The following ABCA4 variants were observed in gnomAD, a reference collection of about 807,000 sequenced individuals.
ABCA4 encodes the protein retinal-specific phospholipid-transporting ATPase ABCA4.
ABCA4 carries 196 observed loss-of-function variants against 263.7 expected under a neutral mutation model. The ratio of observed to expected loss-of-function variants is 0.74; its 90% CI spans 0.66 to 0.84. ABCA4 has a LOEUF of 0.84. Among genes scored for constraint, ABCA4 ranks in the 40% least tolerant of loss-of-function variants. ABCA4 has a pLI of 0.00. For missense variants in ABCA4, 2,792 were observed against 2,855.1 expected, an observed-to-expected ratio of 0.98 and a Z score of 0.50; for synonymous variants, 1,133 against 1,094.2, an observed-to-expected ratio of 1.04 and a Z score of -0.70.
intron 16 of ABCA4, among the ~76,000 whole-genome samples, chr1:94,053,100 G>A (rs1362133006): frequency 6.6e-6 from 1 of 152,220 alleles, no homozygotes; most frequent in African/African-American, 2.4e-5. Context: ...GAGGTGCTGG[G>A]AGAGTGGTGC....
At position 94,063,202 on chromosome 1, in the gene ABCA4, T is replaced by A; in HGVS notation, c.1670A>T (p.Tyr557Phe). Residue 557 changes from tyrosine (Y) to phenylalanine (F), a missense_variant, in exon 12 of 50, where the codon TAT becomes TTT. Transcript: ENST00000370225. ...FWAGVVFPDM[Y>F]PWTSSLPPHV... ...GGGTGGTAGAGAGCTGGTCCAGGGA[T>A]ACATGTCAGGGAATACCACTCCGGC... 6.2e-7 allele frequency: 1 copy of A among 1,614,156 alleles called. No individual in the cohort carries two copies. Among genetic ancestry groups the A allele is most frequent in the Non-Finnish European group, 8.5e-7 (1 of 1,180,018 alleles).
chr1:94,011,242 G>A lies in ABCA4; in HGVS notation c.5584+20C>T, dbSNP rs1323810664. 6.2e-7 allele frequency: 1 copy of A among 1,613,898 alleles called. No individual in the cohort carries two copies. Among genetic ancestry groups the A allele is most frequent in the Non-Finnish European group, 8.5e-7 (1 of 1,179,978 alleles). On this transcript the variant is annotated intron_variant, in intron 39 of 49. Coordinates refer to ENST00000370225, the MANE Select transcript of ABCA4 (RefSeq NM_000350.3). ...TTTGGACCCAGGGCCCATGCTCCAT[G>A]GGCCTCGGCTACCACCCACCAAACC...
At chr1:94,067,372 G>A (rs960466411) in intron 11 of ABCA4, among the ~76,000 whole-genome samples, 1 of 152,214 alleles carries the variant, frequency 6.6e-6, no homozygotes, top group East Asian at 1.9e-4. Context: ...GCTGACTGCT[G>A]TGATGACGTG....
rs72958453 is a variant in ABCA4, at chr1:94,019,217, T to C, written c.5196+365A>G. Among the ~76,000 whole-genome samples, 669 of 151,976 alleles carry C rather than the reference T, an allele frequency of 4.4e-3. 6 individuals are homozygous for C. Among genetic ancestry groups the C allele is most frequent in the African/African-American group, 0.015 (632 of 41,418 alleles). ...TGGGGCAGGATTTGAGAAGGGGACT[T>C]GGGGTGAAAGACCCCTTCATATTAC... is the stretch of plus-strand genomic sequence containing the variant. On this transcript the variant is annotated intron_variant, in intron 36 of 49. Transcript: ENST00000370225.
Position 94,019,687 on chromosome 1 carries a change from A to G in ABCA4, c.5091T>C (p.Phe1697=). 1 of 1,613,862 alleles carries G rather than the reference A, an allele frequency of 6.2e-7. No individual in the cohort carries two copies. Among genetic ancestry groups the G allele is most frequent in the Admixed American group, 1.7e-5 (1 of 59,966 alleles). ...IFSMSFVPAS[F]VLYLIQERVN... Reference sequence around the variant, plus strand: ...CCCGCTCCTGGATCAAATAAAGGACAAAGCTGGCTGGGACGAAGGACATGG... The same window carrying G: ...CCCGCTCCTGGATCAAATAAAGGACGAAGCTGGCTGGGACGAAGGACATGG... Residue 1697 remains phenylalanine, a synonymous_variant, in exon 36 of 50, where the codon TTT becomes TTC. Coordinates refer to ENST00000370225, the MANE Select transcript of ABCA4 (RefSeq NM_000350.3).
At position 94,098,983 on chromosome 1, in the gene ABCA4, A is replaced by G; in HGVS notation, c.579T>C (p.His193=). Residue 193 remains histidine (H), a synonymous_variant, in exon 6 of 50, where the codon CAT becomes CAC. Coordinates refer to ENST00000370225, the MANE Select transcript of ABCA4 (RefSeq NM_000350.3). The stretch of plus-strand genomic sequence containing the variant: ...CCTTCAGCGCCAGGTCCGGGACTCC[A>G]TGAGCGAACTGCAGGGAGAAGAGGC... The part of the protein sequence containing the change: ...NSQVRPEQFA[H]GVPDLALKDI... The G allele has an allele frequency of 6.2e-7, 1 of 1,607,602 alleles. No individual in the cohort carries two copies. The highest frequency in any genetic ancestry group is 8.5e-7 in the Non-Finnish European group (1 of 1,179,750).
chr1:94,030,693 ACT>A (rs562135033), intron 28 of ABCA4, among the ~76,000 whole-genome samples, 167 bp from the exon 29 acceptor site: 34 of 152,132 alleles, frequency 2.2e-4, no homozygotes, highest in African/African-American at 8.0e-4. Context: ...CTGCCTGAAC[ACT>A]CGCAGTGGTC....
intron 43 of ABCA4, 100 bp from the exon 44 acceptor site, chr1:94,005,682 G>C (rs1659359689): frequency 2.5e-6 from 3 of 1,206,854 alleles, no homozygotes; most frequent in Non-Finnish European, 3.6e-6. Context: ...AAAGGAAGCT[G>C]CTTCTTCTCT....
At chr1:94,048,308 A>G (rs1418842839) in intron 18 of ABCA4, among the ~76,000 whole-genome samples, 2 of 152,228 alleles carry the variant, frequency 1.3e-5, no homozygotes, top group African/African-American at 2.4e-5. Flanking sequence ...AAGAGAGAAG[A>G]TGAGGGCAGC....
intron 30 of ABCA4, among the ~76,000 whole-genome samples, chr1:94,026,115 C>T (rs1472569840): frequency 6.6e-6 from 1 of 152,230 alleles, no homozygotes; most frequent in Non-Finnish European, 1.5e-5. Flanking sequence ...AAAGCATTCA[C>T]TCTGTCAAGG....
intron 49 of ABCA4, among the ~76,000 whole-genome samples, chr1:93,995,522 G>A (rs1202482740): frequency 6.6e-6 from 1 of 152,138 alleles, no homozygotes; most frequent in Non-Finnish European, 1.5e-5. Flanking sequence ...GAACCTACAA[G>A]CACCTATTCC....
Position 94,031,913 on chromosome 1 carries a change from G to A in ABCA4, c.3993C>T (p.Gly1331=). ...GGCACTCTGGCTCTGGGGGAGGCTG[G>A]CCCTCTGGGTGAGCAGCCGGCGCCC... ...SPGAPAAHPE[G]QPPPEPECPG... Residue 1331 remains glycine (G), a synonymous_variant, in exon 27 of 50, where the codon GGC becomes GGT. Coordinates refer to ENST00000370225, the MANE Select transcript of ABCA4 (RefSeq NM_000350.3). 6.2e-7 allele frequency: 1 copy of A among 1,614,160 alleles called. No homozygotes were observed. Among genetic ancestry groups the A allele is most frequent in the Non-Finnish European group, 8.5e-7 (1 of 1,180,016 alleles).
At position 93,997,955 on chromosome 1, in the gene ABCA4, G is replaced by A; in HGVS notation, c.6635C>T (p.Ser2212Phe). The A allele has an allele frequency of 6.2e-7, 1 of 1,614,142 alleles. No individual in the cohort carries two copies. The highest frequency in any genetic ancestry group is 8.5e-7 in the Non-Finnish European group (1 of 1,180,026). The change falls in exon 48 of 50, where the codon TCC (serine) becomes TTC (phenylalanine). Residue 2212 changes from serine to phenylalanine, a missense_variant. Physicochemically the swap from Ser to Phe is radical, Grantham distance 155. Coordinates refer to ENST00000370225, the MANE Select transcript of ABCA4 (RefSeq NM_000350.3). ...CTGGAAGATCCTCGCCAGGGAGGAGGAGGAGACCTGGAACTGGAGCATGTT... is the reference window on the plus strand; with the variant it reads ...CTGGAAGATCCTCGCCAGGGAGGAGAAGGAGACCTGGAACTGGAGCATGTT... Reference protein sequence around the residue: ...HYNMLQFQVSSSSLARIFQLL... With the variant: ...HYNMLQFQVSFSSLARIFQLL...
rs139536961 is a variant in ABCA4, at chr1:94,061,396, T to C, written c.1938-637A>G. 105 of 157,150 alleles carry C rather than the reference T, an allele frequency of 6.7e-4. No homozygotes were observed. The East Asian group carries it at 0.017, about 25-fold the overall frequency. The allele number at this position is 157,150 out of a possible 1,614,324, so 9.7% of individuals were successfully genotyped here. On this transcript the variant is annotated intron_variant, in intron 13 of 49. Coordinates refer to ENST00000370225, the MANE Select transcript of ABCA4 (RefSeq NM_000350.3). ...TGGTATATCCACCTGGCAAACAGGA[T>C]AGATTTGATACACTGGAACGACTTT...
intron 14 of ABCA4, among the ~76,000 whole-genome samples, chr1:94,058,050 G>A (rs1339062284): frequency 6.6e-6 from 1 of 152,348 alleles, no homozygotes; most frequent in African/African-American, 2.4e-5. Context: ...TGGAACGAAT[G>A]TGCCATTTGT....
chr1:94,080,443 G>A (rs1166973883), intron 8 of ABCA4, 35 bp downstream of exon 8: 1 of 1,613,692 alleles, frequency 6.2e-7, no homozygotes, highest in Non-Finnish European at 8.5e-7. Context: ...ACCAACATGA[G>A]AGGCCAATTT....
At chr1:94,051,415 A>G (rs760827281) in intron 17 of ABCA4, among the ~76,000 whole-genome samples, 8 of 152,196 alleles carry the variant, frequency 5.3e-5, no homozygotes, top group Non-Finnish European at 8.8e-5. Flanking sequence ...GGCTTCATCC[A>G]TGATCAGCCA....
intron 31 of ABCA4, among the ~76,000 whole-genome samples, chr1:94,024,332 T>C (rs997551590): frequency 6.6e-6 from 1 of 152,190 alleles, no homozygotes; most frequent in Non-Finnish European, 1.5e-5. Context: ...TGTTCCATCC[T>C]GGATGGGGCT....
intron 4 of ABCA4, among the ~76,000 whole-genome samples, chr1:94,107,432 T>A (rs980119560): frequency 1.3e-5 from 2 of 152,146 alleles, no homozygotes; most frequent in African/African-American, 2.4e-5. Context: ...CCATGTCCAG[T>A]CCCTCTAGCC....
Sources: gnomAD v4.1 joint callset for allele counts (sites outside exome capture counted in the v4.1 genomes callset) on GRCh38, gnomAD v4.1.1 for gene constraint, MANE v1.5 for transcripts, NCBI Gene and HGNC (gene_info 2026-07-23, HGNC 2026-07-21) for gene names.